Variants in ZNF385D observed in about 807,000 individuals in gnomAD.
The protein encoded by ZNF385D is zinc finger protein 385D.
Under a neutral mutation model 35.8 loss-of-function variants are expected in ZNF385D, and 15 were observed. The observed-to-expected ratio is 0.42, with a 90% confidence interval of 0.28 to 0.64. The LOEUF is 0.64. Ranked by LOEUF, ZNF385D falls within the 30% of genes least tolerant of loss-of-function variation. The pLI is 0.23. For synonymous variants in ZNF385D, 212 were observed against 186.8 expected (o/e 1.13, Z -1.10); for missense variants, 474 against 494.6 (o/e 0.96, Z 0.39).
At chr3:21,491,388 ACAAACTGC>A (rs1705413527) in intron 4 of ZNF385D, among the ~76,000 whole-genome samples, 1 of 152,106 alleles carries the variant, frequency 6.6e-6, no homozygotes, top group Non-Finnish European at 1.5e-5. Context: ...ATGACTCTAC[ACAAACTGC>A]CATTTAACTA....
At chr3:21,608,834 T>C (rs1175810793) in intron 2 of ZNF385D, among the ~76,000 whole-genome samples, 1 of 152,186 alleles carries the variant, frequency 6.6e-6, no homozygotes, top group Non-Finnish European at 1.5e-5. Context: ...TAGTATTAAA[T>C]TGTGTTGTTC....
rs116110678 is a variant in ZNF385D, at chr3:22,018,600, A to C, written c.325+150217T>G. 4.0e-3 allele frequency among the ~76,000 whole-genome samples: 610 copies of C among 152,100 alleles called. 2 individuals are homozygous for C. The highest frequency in any genetic ancestry group is 0.014 in the African/African-American group (580 of 41,502). On this transcript the variant is annotated intron_variant, in intron 3 of 5. Transcript: ENST00000494108. ...CTGCTTCTTCTCTATGACTTTAATT[A>C]ATTTTTTAAAATTATTACTTAGGGT...
chr3:22,071,513 T>C (rs146563411), intron 3 of ZNF385D, among the ~76,000 whole-genome samples: 2,259 of 152,302 alleles, frequency 0.015, 58 homozygotes, highest in African/African-American at 0.051. Context: ...CCTGCCTTCA[T>C]TGGCCTTTGC....
intron 4 of ZNF385D, among the ~76,000 whole-genome samples, chr3:21,491,952 C>T (rs984021152): frequency 1.3e-5 from 2 of 152,106 alleles, no homozygotes; most frequent in Non-Finnish European, 1.5e-5. Flanking sequence ...CACAGACACA[C>T]ATACACACAC....
At chr3:21,827,090 CAT>C (rs1694690264) in intron 3 of ZNF385D, among the ~76,000 whole-genome samples, 1 of 152,128 alleles carries the variant, frequency 6.6e-6, no homozygotes, top group Admixed American at 6.5e-5. Flanking sequence ...ACCTATTTTA[CAT>C]AGTTTCAGTG....
intron 3 of ZNF385D, among the ~76,000 whole-genome samples, chr3:21,858,661 G>T (rs1051298506): frequency 1.4e-4 from 21 of 152,074 alleles, no homozygotes; most frequent in African/African-American, 4.3e-4. Context: ...AAAACTGTGG[G>T]AAATAAATGT....
chr3:22,365,562 T>A (rs1696619954), intron 2 of ZNF385D, among the ~76,000 whole-genome samples: 1 of 152,098 alleles, frequency 6.6e-6, no homozygotes, highest in African/African-American at 2.4e-5. Context: ...CAGAGTCTTC[T>A]ATGGTATGAA....
In ZNF385D at chr3:21,776,634, T is replaced by C. The variant is rs73140892; in HGVS notation, c.326-111606A>G. ...CTTACCTAAGGTACTTAATGTAATTTAGAGATAACTAAAAAATAAACTTTA... is the reference window on the plus strand; with the variant it reads ...CTTACCTAAGGTACTTAATGTAATTCAGAGATAACTAAAAAATAAACTTTA... On this transcript the variant is annotated intron_variant, in intron 3 of 5. Transcript: ENST00000494108. Among the ~76,000 whole-genome samples the C allele has an allele frequency of 5.5e-3, 843 of 152,044 alleles. 14 individuals carry two copies. The highest frequency in any genetic ancestry group is 0.02 in the African/African-American group (814 of 41,516).
intron 3 of ZNF385D, among the ~76,000 whole-genome samples, chr3:21,955,953 A>G: frequency 6.6e-6 from 1 of 152,114 alleles, no homozygotes; most frequent in East Asian, 1.9e-4. Context: ...TGGGAGGCCC[A>G]GGCATGTGGT....
chr3:21,654,959 A>G (rs2066029702), intron 2 of ZNF385D, among the ~76,000 whole-genome samples: 1 of 152,044 alleles, frequency 6.6e-6, no homozygotes, highest in African/African-American at 2.4e-5. Context: ...GGAAGAGGCA[A>G]CTTTACTCAA....
intron 3 of ZNF385D, among the ~76,000 whole-genome samples, chr3:21,917,332 C>T (rs1033375507): frequency 3.3e-5 from 5 of 151,940 alleles, no homozygotes; most frequent in South Asian, 2.1e-4. Context: ...CTCAGAAAGC[C>T]GAGGCAAGAG....
chr3:21,874,178 T>A (rs180918976), intron 3 of ZNF385D, among the ~76,000 whole-genome samples: 1 of 152,186 alleles, frequency 6.6e-6, no homozygotes, highest in Admixed American at 6.6e-5. Context: ...TTTCTTTTTT[T>A]AAATAATGGC....
intron 3 of ZNF385D, among the ~76,000 whole-genome samples, chr3:22,148,616 G>T (rs1036426190): frequency 7.2e-5 from 11 of 152,156 alleles, no homozygotes; most frequent in African/African-American, 1.2e-4. Flanking sequence ...AAAATAGCGT[G>T]ACAAGTTTAC....
At chr3:21,477,269 C>A (rs1704315522) in intron 4 of ZNF385D, among the ~76,000 whole-genome samples, 1 of 151,830 alleles carries the variant, frequency 6.6e-6, no homozygotes, top group South Asian at 2.1e-4. Flanking sequence ...ACAAACAAAA[C>A]AAACAAAAAC....
At chr3:21,814,269 T>C (rs1202292608) in intron 3 of ZNF385D, among the ~76,000 whole-genome samples, 1 of 152,184 alleles carries the variant, frequency 6.6e-6, no homozygotes, top group Non-Finnish European at 1.5e-5. Context: ...AGACCATCGA[T>C]GTTAGGAAGA....
chr3:22,147,192 A>C (rs1324679190), intron 3 of ZNF385D, among the ~76,000 whole-genome samples: 1 of 152,222 alleles, frequency 6.6e-6, no homozygotes, highest in Non-Finnish European at 1.5e-5. Context: ...AGAACTTTTA[A>C]AATAAATAGC....
intron 3 of ZNF385D, among the ~76,000 whole-genome samples, chr3:21,956,811 T>G (rs974128454): frequency 6.6e-6 from 1 of 151,700 alleles, no homozygotes; most frequent in Non-Finnish European, 1.5e-5. Context: ...AAAGCATTCC[T>G]CAAGCAGAAG....
chr3:21,648,165 A>G (rs1479930925), intron 2 of ZNF385D, among the ~76,000 whole-genome samples: 1 of 152,020 alleles, frequency 6.6e-6, no homozygotes, highest in African/African-American at 2.4e-5. Flanking sequence ...ACCCAGTGGG[A>G]GTTGATTGGA....
chr3:21,853,529 A>C (rs1346951758), intron 3 of ZNF385D, among the ~76,000 whole-genome samples: 1 of 149,566 alleles, frequency 6.7e-6, no homozygotes. Flanking sequence ...TTTTTAGTTC[A>C]AGAATGTCAC....
Sources: gnomAD v4.1 joint callset for allele counts (sites outside exome capture counted in the v4.1 genomes callset) on GRCh38, gnomAD v4.1.1 for gene constraint, MANE v1.5 for transcripts, NCBI Gene and HGNC (gene_info 2026-07-23, HGNC 2026-07-21) for gene names.